Variants in ANGPTL6 observed in about 807,000 individuals in gnomAD.
ANGPTL6 encodes angiopoietin like 6.
ANGPTL6 carries 45 observed loss-of-function variants against 47.4 expected under a neutral mutation model. That is an observed-to-expected ratio of 0.95 (90% CI 0.75 to 1.22). The LOEUF (loss-of-function observed/expected upper bound fraction) is 1.22, where lower values mean the gene tolerates loss of function less well. ANGPTL6 is among the 50% of genes most tolerant of loss of function. The pLI is 0.00. For synonymous variants in ANGPTL6, 290 were observed against 295.9 expected (o/e 0.98, Z 0.20); for missense variants, 698 against 669.4 (o/e 1.04, Z -0.47).
intron 1 of ANGPTL6, among the ~76,000 whole-genome samples, chr19:10,099,979 C>T (rs2145181687): frequency 6.6e-6 from 1 of 150,738 alleles, no homozygotes; most frequent in African/African-American, 2.4e-5. Context: ...TGTGCCTCAG[C>T]CTCCCAAGAA....
intron 3 of ANGPTL6, among the ~76,000 whole-genome samples, chr19:10,094,215 C>T (rs2088471355): frequency 6.6e-6 from 1 of 151,832 alleles, no homozygotes; most frequent in South Asian, 2.1e-4. Flanking sequence ...GGTGCGATCT[C>T]GGCTCACTGC....
At chr19:10,096,771 C>A (rs2088555987) in intron 1 of ANGPTL6, among the ~76,000 whole-genome samples, 198 bp from the exon 2 acceptor site, 1 of 152,300 alleles carries the variant, frequency 6.6e-6, no homozygotes, top group African/African-American at 2.4e-5. Flanking sequence ...TGGCGCCAGG[C>A]CGGATAACGC....
chr19:10,098,169 C>G (rs28379440), intron 1 of ANGPTL6, among the ~76,000 whole-genome samples: 24,170 of 151,960 alleles, frequency 0.16, 2,511 homozygotes, highest in Non-Finnish European at 0.24. Context: ...CAGGTGTGAC[C>G]CACCATGCCC....
In ANGPTL6 at chr19:10,093,514, C is replaced by T; in HGVS notation, c.1057G>A (p.Gly353Arg). 2 of 1,614,214 alleles carry T rather than the reference C, an allele frequency of 1.2e-6. No homozygotes were observed. Among genetic ancestry groups the T allele is most frequent in the Non-Finnish European group, 1.7e-6 (2 of 1,180,036 alleles). The change falls in exon 5 of 6, where the codon GGG becomes AGG. Residue 353 changes from glycine to arginine, a missense_variant. Gly to Arg is a moderately radical substitution (Grantham distance 125). Transcript: ENST00000253109. ...HELLVLLEDW[G>R]GRGARAHYDG... ...TAGTGGGCACGTGCTCCACGGCCCCCCCAGTCCTCCAGGAGAACCAGCAGC... is the reference window on the plus strand; with the variant it reads ...TAGTGGGCACGTGCTCCACGGCCCCTCCAGTCCTCCAGGAGAACCAGCAGC...
Position 10,092,713 on chromosome 19 carries a change from C to A in ANGPTL6, c.1289G>T (p.Gly430Val), listed in dbSNP as rs747825274. The A allele has an allele frequency of 6.2e-7, 1 of 1,613,978 alleles. No homozygotes were observed. The highest frequency in any genetic ancestry group is 1.1e-5 in the South Asian group (1 of 91,078). ...GTAGTGGCCGCCGTGGTGCCACACA[C>A]CGTTGAGGTTGGAGTGGGCACAGGC... ...YHACAHSNLN[G>V]VWHHGGHYRS... The change falls in exon 6 of 6, where the codon GGT becomes GTT. Residue 430 changes from glycine (G) to valine (V), a missense_variant. Transcript: ENST00000253109.
upstream of ANGPTL6, among the ~76,000 whole-genome samples, chr19:10,104,310 TGTGTGTG>T (rs762407142): frequency 0.038 from 3,278 of 87,006 alleles, 44 homozygotes; most frequent in South Asian, 0.054. Context: ...GTTTTGTTTG[TGTGTGTG>T]GTGTGTGTGT....
At chr19:10,105,247 G>A (rs1003260955), upstream of ANGPTL6, among the ~76,000 whole-genome samples, 4 of 152,364 alleles carry the variant, frequency 2.6e-5, no homozygotes, top group East Asian at 3.9e-4. Context: ...TGGGCCCCTC[G>A]GCCCCCCACC....
chr19:10,104,034 A>T (rs891656379), upstream of ANGPTL6, among the ~76,000 whole-genome samples: 2 of 143,262 alleles, frequency 1.4e-5, no homozygotes, highest in African/African-American at 5.2e-5. Flanking sequence ...CGGAGGTTGC[A>T]GTGAGCCACT....
intron 1 of ANGPTL6, among the ~76,000 whole-genome samples, chr19:10,101,025 G>A (rs2088664231): frequency 1.3e-5 from 2 of 151,154 alleles, no homozygotes; most frequent in Admixed American, 6.6e-5. Context: ...CTTGGCTAAC[G>A]TGGCGAAACC....
chr19:10,103,629 A>T (rs1410797928), upstream of ANGPTL6, among the ~76,000 whole-genome samples: 2 of 148,146 alleles, frequency 1.4e-5, no homozygotes, highest in East Asian at 1.9e-4. Flanking sequence ...ATAAATAATA[A>T]ATAAATAATA....
rs949026816 is a variant in ANGPTL6 at position 10,102,561 on chromosome 19, C to A, written c.-11+7G>T. ...ATCAACCTCCACCTACCTTCCCACCCTCTCACCTCTGATGCCCAAGACCCT... is the reference window on the plus strand; with the variant it reads ...ATCAACCTCCACCTACCTTCCCACCATCTCACCTCTGATGCCCAAGACCCT... On this transcript the variant is annotated splice_region_variant and intron_variant, in intron 1 of 5. Coordinates refer to ENST00000253109, the MANE Select transcript of ANGPTL6 (RefSeq NM_031917.3). 2.3e-5 allele frequency: 23 copies of A among 984,250 alleles called. No homozygotes were observed. Among genetic ancestry groups the A allele is most frequent in the Non-Finnish European group, 2.7e-5 (22 of 829,108 alleles). 61.0% of individuals were successfully genotyped at this position (984,250 alleles called of 1,614,324 possible).
chr19:10,097,825 C>G (rs1353962761), intron 1 of ANGPTL6, among the ~76,000 whole-genome samples: 1 of 151,648 alleles, frequency 6.6e-6, no homozygotes, highest in Non-Finnish European at 1.5e-5. Flanking sequence ...TGCAGCCCAG[C>G]CTGGGTGACT....
At position 10,092,610 on chromosome 19, in the gene ANGPTL6, G is replaced by A. The variant is rs1688870184; in HGVS notation, c.1392C>T (p.Leu464=). 10 of 1,609,112 alleles carry A rather than the reference G, an allele frequency of 6.2e-6. No individual in the cohort carries two copies. Among genetic ancestry groups the A allele is most frequent in the East Asian group, 2.2e-5 (1 of 44,726 alleles). Residue 464 remains leucine, a synonymous_variant, in exon 6 of 6, where the codon CTC becomes CTT. Coordinates refer to ENST00000253109, the MANE Select transcript of ANGPTL6 (RefSeq NM_031917.3). ...AGAGTCACAGCTTCAGGGGCCGAAT[G>A]AGCATGGCGGCCTTCCTGAGAGAAT... ...GAYSLRKAAM[L]IRPLKL is the part of the protein sequence containing the mutation.
At chr19:10,094,517 T>C (rs1464458936) in intron 3 of ANGPTL6, 4 of 575,442 alleles carry the variant, frequency 7.0e-6, no homozygotes. Context: ...TATGATACTC[T>C]GAACCAGTTC....
chr19:10,100,604 C>T (rs192947922), intron 1 of ANGPTL6, among the ~76,000 whole-genome samples: 5 of 152,332 alleles, frequency 3.3e-5, no homozygotes, highest in African/African-American at 1.2e-4. Flanking sequence ...CACACATTGC[C>T]TCATTCATGC....
In ANGPTL6 at chr19:10,093,578, A is replaced by C. The variant is rs2088452134; in HGVS notation, c.993T>G (p.Leu331=). The C allele has an allele frequency of 1.2e-5, 20 of 1,613,622 alleles. No individual in the cohort carries two copies. The highest frequency in any genetic ancestry group is 1.7e-5 in the Admixed American group (1 of 59,952). ...GRPDGEYWLG[L]EPVYQLTSRG... is the part of the protein sequence containing the mutation. Reference sequence around the variant, plus strand: ...GGCTGGTCAGCTGATACACGGGTTCAAGGCCCAGCCAGTATTCTCCGTCTG... The same window carrying C: ...GGCTGGTCAGCTGATACACGGGTTCCAGGCCCAGCCAGTATTCTCCGTCTG... The change falls in exon 5 of 6, where the codon CTT becomes CTG. Residue 331 remains leucine, a synonymous_variant. Transcript: ENST00000253109.
At chr19:10,103,304 C>T (rs542708228), upstream of ANGPTL6, among the ~76,000 whole-genome samples, 10 of 151,846 alleles carry the variant, frequency 6.6e-5, no homozygotes, top group South Asian at 2.1e-4. Flanking sequence ...TAACACCCAG[C>T]GAAAGTCTGG....
upstream of ANGPTL6, among the ~76,000 whole-genome samples, chr19:10,104,318 G>T (rs200873854): frequency 5.5e-5 from 1 of 18,220 alleles, no homozygotes. Context: ...TGTGTGTGTG[G>T]TGTGTGTGTG....
At chr19:10,100,939 G>A (rs1023280594) in intron 1 of ANGPTL6, among the ~76,000 whole-genome samples, 3 of 151,750 alleles carry the variant, frequency 2.0e-5, no homozygotes, top group Non-Finnish European at 4.4e-5. Context: ...ACTTTGGGAG[G>A]CCGAGGTGCC....
Sources: gnomAD v4.1 joint callset for allele counts (sites outside exome capture counted in the v4.1 genomes callset) on GRCh38, gnomAD v4.1.1 for gene constraint, MANE v1.5 for transcripts, NCBI Gene and HGNC (gene_info 2026-07-23, HGNC 2026-07-21) for gene names.